The following BRCA1 variants were observed in gnomAD, a reference collection of about 807,000 sequenced individuals.
BRCA1 encodes the protein breast cancer type 1 susceptibility protein.
A neutral mutation model predicts 173.7 loss-of-function variants in BRCA1; 140 were observed. That is an observed-to-expected ratio of 0.81 (90% CI 0.70 to 0.93). The LOEUF (loss-of-function observed/expected upper bound fraction) is 0.93. BRCA1 is among the 40% of genes least tolerant of loss of function. The probability of loss-of-function intolerance (pLI) is 0.00; values close to 1 mark genes in which losing one functional copy is unlikely to be tolerated. For missense variants in BRCA1, 1,983 were observed against 2,172.5 expected, an observed-to-expected ratio of 0.91 and a Z score of 1.73; for synonymous variants, 662 against 756.0, an observed-to-expected ratio of 0.88 and a Z score of 2.04.
intron 1 of BRCA1, chr17:43,133,042 G>T (rs2055983485): frequency 1.3e-5 from 2 of 152,186 alleles, no homozygotes; most frequent in Admixed American, 1.3e-4. Flanking sequence ...AAAGTGCTGG[G>T]ATTACAGGCG....
intron 1 of BRCA1, among the ~76,000 whole-genome samples, chr17:43,146,779 C>G (rs2056124803): frequency 6.6e-6 from 1 of 152,212 alleles, no homozygotes; most frequent in African/African-American, 2.4e-5. Context: ...GGGCCTCACT[C>G]TCTTCCCCTC....
intron 3 of BRCA1, among the ~76,000 whole-genome samples, chr17:43,113,835 C>T (rs1361751434): frequency 3.3e-5 from 5 of 152,078 alleles, no homozygotes; most frequent in Non-Finnish European, 7.4e-5. Flanking sequence ...GTAATCCCAA[C>T]ACTTTTTAAG....
rs8176194 is a variant in BRCA1 at position 43,079,204 on chromosome 17, A to C, written c.4358-2590T>G. The C allele has an allele frequency of 0.34, 258,550 of 762,992 alleles. 45,801 individuals are homozygous for C. The highest frequency in any genetic ancestry group is 0.5 in the South Asian group (33,266 of 66,304). 47.3% of individuals were successfully genotyped at this position (762,992 alleles called of 1,614,324 possible). A position where few individuals can be genotyped will look rare whatever the true frequency, so the allele number is the denominator to read the frequency against. ...AAAAACAAAACAAAACAAAACAAAAAAAATGAAAGGCAGAGGGAAGGCTCA... is the reference window on the plus strand; with the variant it reads ...AAAAACAAAACAAAACAAAACAAAACAAATGAAAGGCAGAGGGAAGGCTCA... On this transcript the variant is annotated intron_variant, in intron 12 of 22. Coordinates refer to ENST00000357654, the MANE Select transcript of BRCA1 (RefSeq NM_007294.4).
rs80356964 is a variant in BRCA1, at chr17:43,094,135, G to A, written c.1396C>T (p.Arg466Trp). 15 of 1,613,874 alleles carry A rather than the reference G, an allele frequency of 9.3e-6. No homozygotes were observed. Among genetic ancestry groups the A allele is most frequent in the East Asian group, 2.2e-5 (1 of 44,882 alleles). Residue 466 changes from arginine (R) to tryptophan (W), a missense_variant, in exon 10 of 23, where the codon CGG becomes TGG. Coordinates refer to ENST00000357654, the MANE Select transcript of BRCA1 (RefSeq NM_007294.4). ...AAGTTGGGGAGGCTTGCCTTCTTCC[G>A]ATAGGTTTTCCCAAATATTTTGTCT... ...IEDKIFGKTY[R>W]KKASLPNLSH...
At chr17:43,124,141 T>C (rs768200575) in intron 1 of BRCA1, 26 bp from the exon 2 acceptor site, 1 of 1,257,308 alleles carries the variant, frequency 8.0e-7, no homozygotes, top group Non-Finnish European at 1.1e-6. Context: ...AAAACATATA[T>C]ATATATCTTT....
chr17:43,125,924 G>T (rs2055860090), upstream of BRCA1, among the ~76,000 whole-genome samples: 1 of 152,216 alleles, frequency 6.6e-6, no homozygotes, highest in South Asian at 2.1e-4. Context: ...CAATTCTCAC[G>T]GAAATCCAGT....
Position 43,106,327 on chromosome 17 carries a change from C to T in BRCA1, c.212+129G>A, listed in dbSNP as rs1370637086. 6 of 623,968 alleles carry T rather than the reference C, an allele frequency of 9.6e-6. No homozygotes were observed. In the Admixed American group the frequency reaches 1.8e-4, roughly 19 times the overall value. The allele number at this position is 623,968 out of a possible 1,614,324, so 38.7% of individuals were successfully genotyped here. ...GGAAAATAACTTTGGAAATAATTTA[C>T]TGTGTGCTAAAAACTCTTTTATAAA... On this transcript the variant is annotated intron_variant, in intron 4 of 22. Transcript: ENST00000357654.
chr17:43,064,827 A>ATTTTTTTT (rs60879064), intron 16 of BRCA1, among the ~76,000 whole-genome samples: 2 of 106,678 alleles, frequency 1.9e-5, no homozygotes, highest in Non-Finnish European at 1.8e-5. Context: ...TTTGATTTGC[A>ATTTTTTTT]TTTTTTTTTT....
intron 14 of BRCA1, among the ~76,000 whole-genome samples, chr17:43,072,828 T>C (rs1204924897): frequency 1.3e-5 from 2 of 151,670 alleles, no homozygotes; most frequent in Non-Finnish European, 2.9e-5. Flanking sequence ...CCTCCCAAAG[T>C]GCTGGGATTA....
In BRCA1 at chr17:43,142,914, T is replaced by TTG. The variant is rs369108034; in HGVS notation, c.-19-18801_-19-18800dup. ...ATGTGCCACCATGCCCGGCTAATTTTTGTGTGTGTGTGTGTGTGTGTGTGT... is the reference window on the plus strand; with the variant it reads ...ATGTGCCACCATGCCCGGCTAATTTTTGTGTGTGTGTGTGTGTGTGTGTGTGT... On this transcript the variant is annotated intron_variant, in intron 1 of 7. Transcript: ENST00000634433. Among the ~76,000 whole-genome samples, 1,025 of 140,746 alleles carry TTG rather than the reference T, an allele frequency of 7.3e-3. 8 individuals carry two copies. The highest frequency in any genetic ancestry group is 0.019 in the East Asian group (91 of 4,898). 92.3% of individuals were successfully genotyped at this position (140,746 alleles called of 152,430 possible).
chr17:43,140,151 T>C lies in BRCA1; in HGVS notation c.-19-16036A>G, dbSNP rs1045294220. 88 of 325,384 alleles carry C rather than the reference T, an allele frequency of 2.7e-4. 1 individual carries two copies. Among genetic ancestry groups the C allele is most frequent in the Non-Finnish European group, 1.0e-4 (17 of 163,232 alleles). The allele number at this position is 325,384 out of a possible 1,614,324, so 20.2% of individuals were successfully genotyped here. On this transcript the variant is annotated intron_variant, in intron 1 of 7. Transcript: ENST00000634433. ...CTGCGTGACAAAGCCTCCAGAAAAATCCTTGAAAGACAGGACATGGAGAGC... is the reference window on the plus strand; with the variant it reads ...CTGCGTGACAAAGCCTCCAGAAAAACCCTTGAAAGACAGGACATGGAGAGC...
At chr17:43,057,345 A>G (rs2051544831) in intron 18 of BRCA1, among the ~76,000 whole-genome samples, 1 of 152,020 alleles carries the variant, frequency 6.6e-6, no homozygotes, top group Non-Finnish European at 1.5e-5. Context: ...CCTCATCTCT[A>G]CTAAAAATAC....
At chr17:43,158,012 A>T (rs1018472087) in intron 1 of BRCA1, among the ~76,000 whole-genome samples, 6 of 152,042 alleles carry the variant, frequency 3.9e-5, no homozygotes, top group South Asian at 2.1e-4. Flanking sequence ...AAAAAAAAAA[A>T]ATATTAATCT....
chr17:43,108,733 G>T (rs1169798700), intron 3 of BRCA1, among the ~76,000 whole-genome samples: 1 of 86,928 alleles, frequency 1.2e-5, no homozygotes, highest in East Asian at 4.0e-4. Context: ...AAAAAAAAAA[G>T]GCCAGGAGCG....
chr17:43,089,306 G>C (rs1174666652), intron 11 of BRCA1, among the ~76,000 whole-genome samples: 1 of 151,646 alleles, frequency 6.6e-6, no homozygotes, highest in Non-Finnish European at 1.5e-5. Context: ...CTGGGTGACA[G>C]AGCAAAACTC....
chr17:43,117,515 CG>C (rs1567818996), intron 2 of BRCA1, among the ~76,000 whole-genome samples: 1 of 151,942 alleles, frequency 6.6e-6, no homozygotes, highest in Non-Finnish European at 1.5e-5. Flanking sequence ...CCGAGGCGGG[CG>C]GATCATGAGG....
At chr17:43,152,846 G>A (rs2056171167) in intron 1 of BRCA1, among the ~76,000 whole-genome samples, 1 of 151,762 alleles carries the variant, frequency 6.6e-6, no homozygotes, top group East Asian at 1.9e-4. Context: ...CTGGGTGACA[G>A]AGCAAGACTC....
At chr17:43,166,960 G>A (rs375836234) in intron 1 of BRCA1, 1 of 152,238 alleles carries the variant, frequency 6.6e-6, no homozygotes, top group Non-Finnish European at 1.5e-5. Context: ...GAGTGGGCAA[G>A]TTTCAAAGAC....
At position 43,091,042 on chromosome 17, in the gene BRCA1, CA is replaced by C. The variant is rs2154259579; in HGVS notation, c.4097-11del. On this transcript the variant is annotated splice_polypyrimidine_tract_variant and intron_variant, in intron 10 of 22. Transcript: ENST00000357654. The stretch of plus-strand genomic sequence containing the variant: ...CCAGATGCTGCTTCACCTTAAATAA[CA>C]AAAACAGAGGTTCAGATGTAAAAGC... The C allele has an allele frequency of 6.2e-7, 1 of 1,609,102 alleles. No homozygotes were observed. Among genetic ancestry groups the C allele is most frequent in the Non-Finnish European group, 8.5e-7 (1 of 1,177,440 alleles).
Sources: gnomAD v4.1 joint callset for allele counts (sites outside exome capture counted in the v4.1 genomes callset) on GRCh38, gnomAD v4.1.1 for gene constraint, MANE v1.5 for transcripts, NCBI Gene and HGNC (gene_info 2026-07-23, HGNC 2026-07-21) for gene names.